PMPCB: variants seen among roughly 807,000 people sequenced by gnomAD.
The protein encoded by PMPCB is mitochondrial-processing peptidase subunit beta.
Under a neutral mutation model 61.5 loss-of-function variants are expected in PMPCB, and 46 were observed. The ratio of observed to expected loss-of-function variants is 0.75; its 90% CI spans 0.59 to 0.96. The LOEUF (loss-of-function observed/expected upper bound fraction) is 0.96. Ranked by LOEUF, PMPCB falls within the 40% of genes least tolerant of loss-of-function variation. PMPCB has a pLI of 0.00. For missense variants in PMPCB, 590 were observed against 602.4 expected (o/e 0.98, Z 0.22); for synonymous variants, 191 against 201.6 (o/e 0.95, Z 0.44).
At chr7:103,318,833 C>A (rs6947744), downstream of PMPCB, among the ~76,000 whole-genome samples, 133,123 of 152,266 alleles carry the variant, frequency 0.87, 58,464 homozygotes, top group African/African-American at 0.92. Context: ...AAAAGCTATG[C>A]TTGTGATAGA....
At chr7:103,343,220 C>G in the PMPCB span, among the ~76,000 whole-genome samples, 1 of 151,962 alleles carries the variant, frequency 6.6e-6, no homozygotes, top group East Asian at 1.9e-4. Context: ...AGGCTGGTCT[C>G]GAACTGCTGA....
In PMPCB at chr7:103,310,575, T is replaced by G. The variant is rs1310631383; in HGVS notation, c.1154+100T>G. ...TGGTGATTTATGGTAATTTTACCTT[T>G]TAATTAAGAGACCTAGATAAACAGT... On this transcript the variant is annotated intron_variant, in intron 9 of 12. Coordinates refer to ENST00000249269, the MANE Select transcript of PMPCB (RefSeq NM_004279.3). 8.7e-6 allele frequency: 8 copies of G among 923,100 alleles called. No homozygotes were observed. In the East Asian group the frequency reaches 2.0e-4, roughly 23 times the overall value. 57.2% of individuals were successfully genotyped at this position (923,100 alleles called of 1,614,324 possible). A position where few individuals can be genotyped will look rare whatever the true frequency, so the allele number is the denominator to read the frequency against.
chr7:103,299,087 A>G (rs1472091412), intron 2 of PMPCB, among the ~76,000 whole-genome samples: 2 of 152,228 alleles, frequency 1.3e-5, no homozygotes, highest in Admixed American at 6.5e-5. Context: ...AAGTGAGAGA[A>G]GTTAAATGGT....
chr7:103,319,119 CAG>C (rs541978160), downstream of PMPCB, among the ~76,000 whole-genome samples: 1 of 151,990 alleles, frequency 6.6e-6, no homozygotes, highest in East Asian at 1.9e-4. Context: ...GCCTGGGTGA[CAG>C]AGAGAGACTC....
chr7:103,307,457 A>G, intron 6 of PMPCB, 139 bp from the exon 7 acceptor site: 2 of 578,024 alleles, frequency 3.5e-6, no homozygotes, highest in South Asian at 2.2e-5. Flanking sequence ...TAGGTGTGCT[A>G]TGTGAGCTTA....
At chr7:103,323,150 G>A (rs1209239775) in intron 12 of PMPCB, among the ~76,000 whole-genome samples, 1 of 151,990 alleles carries the variant, frequency 6.6e-6, no homozygotes, top group African/African-American at 2.4e-5. Flanking sequence ...GGCTGGTCTC[G>A]CACTCCTGAC....
chr7:103,336,292 T>C, the PMPCB span: 3 of 152,248 alleles, frequency 2.0e-5, no homozygotes. Flanking sequence ...AGTTCTATTA[T>C]CAATTCTAAT....
chr7:103,323,690 T>A, intron 12 of PMPCB: 1 of 1,358,154 alleles, frequency 7.4e-7, no homozygotes, highest in Non-Finnish European at 9.9e-7. Context: ...TAATACATGA[T>A]CAAGACAGAA....
At position 103,303,894 on chromosome 7, in the gene PMPCB, GA is replaced by G. The variant is rs753908805; in HGVS notation, c.511del (p.Ile171LeufsTer7). On this transcript the variant is annotated frameshift_variant, in exon 5 of 13. Transcript: ENST00000249269. LOFTEE classifies it high-confidence loss of function. ...AAAACAGCACATTGGGAGAAGCAGA[GA>G]TTGAACGTGAGCGTGGAGTAATCCT... ...IQNSTLGEAE[I>X]ERERGVILRE... The G allele has an allele frequency of 6.2e-7, 1 of 1,613,960 alleles. No homozygotes were observed.
At chr7:103,333,951 A>ATT (rs1213072243), downstream of PMPCB, among the ~76,000 whole-genome samples, 10 of 139,514 alleles carry the variant, frequency 7.2e-5, no homozygotes, top group African/African-American at 1.1e-4. Flanking sequence ...TGTTGTGAAC[A>ATT]TTTTTTTTTT....
At chr7:103,336,143 C>T in the PMPCB span, 9,908 of 152,046 alleles carry the variant, frequency 0.065, 392 homozygotes, top group South Asian at 0.13. Flanking sequence ...CTCCAGCCTG[C>T]GCAACAAGTA....
downstream of PMPCB, chr7:103,316,238 C>T: frequency 2.1e-6 from 1 of 466,958 alleles, no homozygotes; most frequent in Non-Finnish European, 3.7e-6. Flanking sequence ...ACTATAAATT[C>T]CTGTTGCCTG....
rs112202572 is a variant in PMPCB at position 103,313,543 on chromosome 7, G to A, written c.*1272G>A. 1.4e-5 allele frequency: 14 copies of A among 983,266 alleles called. No homozygotes were observed. The African/African-American group carries it at 1.6e-4, about 11-fold the overall frequency. 60.9% of individuals were successfully genotyped at this position (983,266 alleles called of 1,614,324 possible). A position where few individuals can be genotyped will look rare whatever the true frequency, so the allele number is the denominator to read the frequency against. ...TAAACTTTTGCTGGATAGAAACCCT[G>A]GAAATCATTCTTGTTTTACACTGAA... On this transcript the variant is annotated 3_prime_UTR_variant, in exon 13 of 13. Transcript: ENST00000249269.
the PMPCB span, among the ~76,000 whole-genome samples, chr7:103,340,418 T>A: frequency 6.6e-6 from 1 of 152,264 alleles, no homozygotes; most frequent in Non-Finnish European, 1.5e-5. Context: ...TGCTTTAGCT[T>A]ATTTAGTCCT....
Position 103,313,179 on chromosome 7 carries a change from C to T in PMPCB, c.*908C>T. 6.7e-7 allele frequency: 1 copy of T among 1,485,832 alleles called. No homozygotes were observed. Among genetic ancestry groups the T allele is most frequent in the African/African-American group, 1.4e-5 (1 of 70,084 alleles). The allele number at this position is 1,485,832 out of a possible 1,614,324, so 92.0% of individuals were successfully genotyped here. Reference sequence around the variant, plus strand: ...AAGTCTTGTGGTCCACAAGTATTCGCTAAGTGCCCATTTCAATCTGGGATG... The same window carrying T: ...AAGTCTTGTGGTCCACAAGTATTCGTTAAGTGCCCATTTCAATCTGGGATG... On this transcript the variant is annotated 3_prime_UTR_variant, in exon 13 of 13. Transcript: ENST00000249269.
the PMPCB span, chr7:103,344,685 G>A: frequency 3.4e-5 from 53 of 1,553,462 alleles, 1 homozygote; most frequent in Non-Finnish European, 4.7e-5. Flanking sequence ...GGCGCTTAGG[G>A]TCCCCTCCAG....
chr7:103,323,180 T>A (rs140506181), intron 12 of PMPCB, among the ~76,000 whole-genome samples: 2 of 152,216 alleles, frequency 1.3e-5, no homozygotes, highest in African/African-American at 4.8e-5. Context: ...TCTGCCCGCC[T>A]CAGCCTCCCA....
At chr7:103,297,759 T>G (rs1482988961) in intron 1 of PMPCB, 31 of 1,533,420 alleles carry the variant, frequency 2.0e-5, no homozygotes, top group Non-Finnish European at 2.7e-5. Context: ...GACCTGCTAG[T>G]GACGTGTGGG....
At chr7:103,333,155 G>C (rs1586104780), downstream of PMPCB, among the ~76,000 whole-genome samples, 1 of 152,040 alleles carries the variant, frequency 6.6e-6, no homozygotes, top group East Asian at 1.9e-4. Context: ...GATTAGGGAT[G>C]CTCAACTTGT....
Sources: allele counts gnomAD v4.1 joint callset (sites outside exome capture counted in the v4.1 genomes callset), GRCh38; gene constraint gnomAD v4.1.1; transcripts MANE v1.5; gene names NCBI Gene and HGNC (gene_info 2026-07-23, HGNC 2026-07-21).